Variants in CNTNAP3B observed in about 807,000 individuals in gnomAD.
CNTNAP3B encodes the protein contactin associated protein family member 3B.
CNTNAP3B carries 25 observed loss-of-function variants against 108.9 expected under a neutral mutation model. That is an observed-to-expected ratio of 0.23 (90% CI 0.17 to 0.32). The LOEUF (loss-of-function observed/expected upper bound fraction) is 0.32. CNTNAP3B is among the 10% of genes least tolerant of loss of function. The probability of loss-of-function intolerance (pLI) is 1.00; values close to 1 mark genes in which losing one functional copy is unlikely to be tolerated. For missense variants in CNTNAP3B, 252 were observed against 1,210.4 expected (o/e 0.21, Z 11.75); for synonymous variants, 103 against 473.4 (o/e 0.22, Z 10.16).
At chr9:42,020,467 G>A (rs1346052726) in intron 3 of CNTNAP3B, among the ~76,000 whole-genome samples, 2 of 147,534 alleles carry the variant, frequency 1.4e-5, no homozygotes, top group African/African-American at 2.6e-5. Flanking sequence ...ATGTCTTCTT[G>A]CTCTCAGATT....
chr9:41,947,403 C>A (rs1824558948), intron 13 of CNTNAP3B, among the ~76,000 whole-genome samples: 1 of 152,186 alleles, frequency 6.6e-6, no homozygotes, highest in African/African-American at 2.4e-5. Context: ...TTTTAAAATA[C>A]ACTTCTAAAT....
chr9:42,078,484 T>C (rs1044310105), intron 2 of CNTNAP3B, among the ~76,000 whole-genome samples: 3 of 139,020 alleles, frequency 2.2e-5, no homozygotes, highest in Non-Finnish European at 4.6e-5. Context: ...GACATATATA[T>C]AAATATAATT....
chr9:41,987,248 GT>G (rs1276213622), intron 8 of CNTNAP3B, among the ~76,000 whole-genome samples: 1 of 114,132 alleles, frequency 8.8e-6, no homozygotes, highest in Non-Finnish European at 1.8e-5. Flanking sequence ...ATCACCTGAG[GT>G]TGGGAGTTCG....
intron 13 of CNTNAP3B, among the ~76,000 whole-genome samples, chr9:41,948,595 A>T (rs1824597055): frequency 6.6e-6 from 1 of 151,912 alleles, no homozygotes; most frequent in Admixed American, 6.6e-5. Flanking sequence ...TATTCAATAA[A>T]ATATTAATAA....
At chr9:41,959,436 T>C (rs1398243670) in intron 12 of CNTNAP3B, among the ~76,000 whole-genome samples, 22 of 152,358 alleles carry the variant, frequency 1.4e-4, no homozygotes, top group Non-Finnish European at 2.4e-4. Context: ...ATTAGCTAGA[T>C]TTTGTCAGTA....
At chr9:41,968,801 C>A (rs184486934) in intron 10 of CNTNAP3B, among the ~76,000 whole-genome samples, 2 of 137,426 alleles carry the variant, frequency 1.5e-5, no homozygotes, top group Non-Finnish European at 3.1e-5. Context: ...GCAGATATAA[C>A]TTTTTTTTTT....
At chr9:42,072,333 TTAC>T (rs1297555632) in intron 3 of CNTNAP3B, among the ~76,000 whole-genome samples, 8 of 97,002 alleles carry the variant, frequency 8.2e-5, no homozygotes, top group Admixed American at 6.7e-4. Context: ...GCCATTCCTA[TTAC>T]TACTACTACT....
In CNTNAP3B at chr9:42,112,946, G is replaced by T. The variant is rs560916759; in HGVS notation, c.86-8207C>A. ...TTTTTTTTGTATTTTTAGTAGACAC[G>T]GGGTTTCACCATGTTAGCCAAGATA... On this transcript the variant is annotated intron_variant, in intron 1 of 23. Transcript: ENST00000377561. 5.0e-5 allele frequency among the ~76,000 whole-genome samples: 6 copies of T among 121,064 alleles called. No individual in the cohort carries two copies. The East Asian group carries it at 1.7e-3, about 33-fold the overall frequency. 79.4% of individuals were successfully genotyped at this position (121,064 alleles called of 152,430 possible).
chr9:42,109,257 A>G (rs1211685911), intron 1 of CNTNAP3B, among the ~76,000 whole-genome samples: 2 of 142,540 alleles, frequency 1.4e-5, no homozygotes, highest in East Asian at 4.1e-4. Flanking sequence ...AGAGCAAAAT[A>G]TTTAGATACT....
intron 13 of CNTNAP3B, among the ~76,000 whole-genome samples, chr9:41,942,026 G>C (rs1252821226): frequency 6.6e-6 from 1 of 152,302 alleles, no homozygotes; most frequent in African/African-American, 2.4e-5. Context: ...TAGTTTACTA[G>C]AGCCTAAACC....
chr9:41,926,442 C>A, intron 15 of CNTNAP3B, among the ~76,000 whole-genome samples: 1 of 152,302 alleles, frequency 6.6e-6, no homozygotes. Context: ...TTTTATTTTT[C>A]TTTCTTTCTT....
chr9:41,968,287 C>A (rs1368485088), intron 10 of CNTNAP3B, among the ~76,000 whole-genome samples: 2 of 143,618 alleles, frequency 1.4e-5, no homozygotes, highest in African/African-American at 5.4e-5. Context: ...AGTGTGGGCC[C>A]ATGGGACATT....
At chr9:42,088,603 T>G (rs62558904) in intron 2 of CNTNAP3B, among the ~76,000 whole-genome samples, 1,676 of 139,192 alleles carry the variant, frequency 0.012, 194 homozygotes, top group South Asian at 0.049. Flanking sequence ...TGATGCTATT[T>G]TGTTTGGCCT....
chr9:41,969,720 C>T (rs1436101525), intron 10 of CNTNAP3B, among the ~76,000 whole-genome samples: 22 of 149,434 alleles, frequency 1.5e-4, no homozygotes, highest in African/African-American at 4.5e-4. Context: ...CGGGTTCATG[C>T]CATTCTCCTG....
At chr9:41,927,931 C>A (rs1823864357) in intron 15 of CNTNAP3B, among the ~76,000 whole-genome samples, 1 of 104,412 alleles carries the variant, frequency 9.6e-6, no homozygotes, top group African/African-American at 3.7e-5. Context: ...AGTCAACAGT[C>A]CTAGATGAAG....
At chr9:42,112,404 T>C (rs1564198116) in intron 1 of CNTNAP3B, among the ~76,000 whole-genome samples, 1 of 138,638 alleles carries the variant, frequency 7.2e-6, no homozygotes, top group Non-Finnish European at 1.5e-5. Context: ...CGGCGGCAGA[T>C]GGGGATGAGA....
intron 1 of CNTNAP3B, among the ~76,000 whole-genome samples, chr9:42,112,163 T>G (rs956734393): frequency 2.1e-5 from 3 of 140,000 alleles, no homozygotes; most frequent in African/African-American, 8.5e-5. Context: ...CAATGCTCCT[T>G]GACCGCTCAC....
At chr9:42,049,359 C>G (rs1210345110) in intron 3 of CNTNAP3B, among the ~76,000 whole-genome samples, 1 of 139,518 alleles carries the variant, frequency 7.2e-6, no homozygotes, top group Admixed American at 7.1e-5. Context: ...ATCTAACTGT[C>G]CTCTCCACAT....
chr9:41,967,275 A>T (rs1306807784), intron 10 of CNTNAP3B, among the ~76,000 whole-genome samples: 1 of 152,278 alleles, frequency 6.6e-6, no homozygotes, highest in Non-Finnish European at 1.5e-5. Context: ...TCATGCAGGC[A>T]GATCTTTCTC....
Sources: allele counts gnomAD v4.1 joint callset (sites outside exome capture counted in the v4.1 genomes callset), GRCh38; gene constraint gnomAD v4.1.1; transcripts MANE v1.5; gene names NCBI Gene and HGNC (gene_info 2026-07-23, HGNC 2026-07-21).